KAT14: variants seen among roughly 807,000 people sequenced by gnomAD.
The protein encoded by KAT14 is lysine acetyltransferase 14.
In KAT14, 66 loss-of-function variants were observed where a neutral mutation model predicts 78.4. That is an observed-to-expected ratio of 0.84 (90% CI 0.69 to 1.03). The LOEUF is 1.03. Among genes scored for constraint, KAT14 ranks in the 50% least tolerant of loss-of-function variants. KAT14 has a pLI of 0.00. For synonymous variants in KAT14, 344 were observed against 359.4 expected (o/e 0.96, Z 0.48); for missense variants, 870 against 972.5 (o/e 0.89, Z 1.40).
chr20:18,166,606 A>C lies in KAT14; in HGVS notation c.1668+3661A>C, dbSNP rs116127896. Among the ~76,000 whole-genome samples the C allele has an allele frequency of 9.8e-3, 1,491 of 152,338 alleles. 21 individuals carry two copies. The highest frequency in any genetic ancestry group is 0.034 in the African/African-American group (1,417 of 41,574). ...GAAGAGGAAACTTTTTACTTTCTAC[A>C]CTATGTCTGCCCCTTGGGTCACACT... On this transcript the variant is annotated intron_variant, in intron 7 of 10. Transcript: ENST00000688188.
At chr20:18,143,569 C>T (rs906945882) in intron 2 of KAT14, among the ~76,000 whole-genome samples, 2 of 150,718 alleles carry the variant, frequency 1.3e-5, no homozygotes, top group African/African-American at 4.9e-5. Flanking sequence ...CCTGCCTCAG[C>T]CTCCCAAGTA....
rs772007375 is a variant in KAT14, at chr20:18,162,895, G to C, written c.1618G>C (p.Ala540Pro). 1.4e-5 allele frequency: 23 copies of C among 1,614,104 alleles called. No individual in the cohort carries two copies. Among genetic ancestry groups the C allele is most frequent in the Non-Finnish European group, 1.9e-5 (23 of 1,180,048 alleles). Reference sequence around the variant, plus strand: ...AATTTCCAGACTTCCAGCTGGACAAGCCACGTACAGAACCACCTGTCAGGA... The same window carrying C: ...AATTTCCAGACTTCCAGCTGGACAACCCACGTACAGAACCACCTGTCAGGA... ...GGISRLPAGQ[A>P]TYRTTCQDFR... Residue 540 changes from alanine (A) to proline (P), a missense_variant, in exon 7 of 11, where the codon GCC (alanine) becomes CCC (proline). By Grantham distance (27) the Ala-to-Pro change is conservative. Coordinates refer to ENST00000688188, the MANE Select transcript of KAT14 (RefSeq NM_001392073.1).
chr20:18,170,252 G>A (rs1391664101), intron 7 of KAT14, among the ~76,000 whole-genome samples: 2 of 152,182 alleles, frequency 1.3e-5, no homozygotes, highest in African/African-American at 4.8e-5. Flanking sequence ...TGAAGAAGAT[G>A]CCACCTAGGA....
chr20:18,150,360 A>C (rs2037986712), intron 3 of KAT14, among the ~76,000 whole-genome samples: 2 of 152,190 alleles, frequency 1.3e-5, no homozygotes, highest in South Asian at 4.1e-4. Flanking sequence ...AATATATACA[A>C]GGGTAATTTT....
chr20:18,158,935 G>A (rs1179923425), intron 4 of KAT14, 149 bp from the exon 5 acceptor site: 2 of 957,922 alleles, frequency 2.1e-6, no homozygotes, highest in Admixed American at 7.4e-5. Flanking sequence ...GCGAACTCCA[G>A]AGCCTCTCTC....
At chr20:18,154,197 A>T (rs2038143584) in intron 4 of KAT14, among the ~76,000 whole-genome samples, 1 of 152,202 alleles carries the variant, frequency 6.6e-6, no homozygotes, top group African/African-American at 2.4e-5. Flanking sequence ...TGTTAACAAG[A>T]TTACCGTACC....
intron 9 of KAT14, 115 bp downstream of exon 9, chr20:18,183,413 T>C: frequency 2.2e-6 from 3 of 1,386,872 alleles, no homozygotes; most frequent in Non-Finnish European, 2.8e-6. Flanking sequence ...TTCGTTTAGT[T>C]TGTCTCTGCT....
chr20:18,141,034 TTTTTTTTTTTTTATTTTTA>T (rs2037537587), intron 1 of KAT14, among the ~76,000 whole-genome samples: 1 of 19,126 alleles, frequency 5.2e-5, no homozygotes, highest in African/African-American at 1.3e-4. Context: ...TTTTTTTTTT[TTTTTTTTTTTTTATTTTTA>T]TTTTTGCTAG....
Position 18,142,305 on chromosome 20 carries a change from T to C in KAT14, c.-356T>C, listed in dbSNP as rs1002302528. 7.8e-6 allele frequency: 12 copies of C among 1,536,922 alleles called. No individual in the cohort carries two copies. Among genetic ancestry groups the C allele is most frequent in the Non-Finnish European group, 8.7e-6 (10 of 1,146,868 alleles). On this transcript the variant is annotated 5_prime_UTR_variant, in exon 2 of 11. Transcript: ENST00000688188. ...GAACAGATTATTTTGACTGAGCAAC[T>C]TGAAGCAGAAAGAGAGAAGATGTTA...
chr20:18,170,513 T>G (rs548658898), intron 7 of KAT14, among the ~76,000 whole-genome samples: 13 of 152,314 alleles, frequency 8.5e-5, no homozygotes, highest in Admixed American at 2.0e-4. Flanking sequence ...AGCCCACTAT[T>G]GAAAGCTACT....
intron 1 of KAT14, chr20:18,138,380 A>C: frequency 9.5e-7 from 1 of 1,054,358 alleles, no homozygotes; most frequent in Non-Finnish European, 1.1e-6. Context: ...TCTGTTTTCA[A>C]GTCACAGCCG....
chr20:18,138,233 T>A, intron 1 of KAT14, 182 bp downstream of exon 1: 3 of 1,248,468 alleles, frequency 2.4e-6, no homozygotes, highest in Non-Finnish European at 3.0e-6. Context: ...CTCCGGGCGC[T>A]GCAGCTCCCG....
chr20:18,151,386 G>A (rs1347541851), intron 4 of KAT14, among the ~76,000 whole-genome samples: 1 of 151,690 alleles, frequency 6.6e-6, no homozygotes, highest in Non-Finnish European at 1.5e-5. Context: ...TAGTAGAGAC[G>A]GGGTTTCACC....
intron 1 of KAT14, chr20:18,138,318 G>A: frequency 8.6e-7 from 1 of 1,163,638 alleles, no homozygotes; most frequent in Non-Finnish European, 1.1e-6. Context: ...CGCGCTGAAG[G>A]GGCCTTGCTC....
intron 7 of KAT14, among the ~76,000 whole-genome samples, chr20:18,168,270 G>A (rs2038726104): frequency 6.6e-6 from 1 of 152,182 alleles, no homozygotes; most frequent in African/African-American, 2.4e-5. Flanking sequence ...GCTCATGCCT[G>A]TAATCCCAGC....
At position 18,142,675 on chromosome 20, in the gene KAT14, C is replaced by A. The variant is rs777305160; in HGVS notation, c.15C>A (p.Ile5=). Residue 5 remains isoleucine, a synonymous_variant, in exon 2 of 11, where the codon ATC becomes ATA. Transcript: ENST00000688188. MDSS[I]HLSSLISRHD... is the part of the protein sequence containing the mutation. Reference sequence around the variant, plus strand: ...AGAAGGAAGGGATGGATAGTAGCATCCACCTGAGTAGTCTGATCAGTCGGC... The same window carrying A: ...AGAAGGAAGGGATGGATAGTAGCATACACCTGAGTAGTCTGATCAGTCGGC... The A allele has an allele frequency of 6.2e-7, 1 of 1,614,122 alleles. No individual in the cohort carries two copies. The highest frequency in any genetic ancestry group is 1.3e-5 in the African/African-American group (1 of 75,014).
chr20:18,182,043 C>G (rs1324082521), intron 8 of KAT14, among the ~76,000 whole-genome samples, 197 bp downstream of exon 8: 1 of 152,110 alleles, frequency 6.6e-6, no homozygotes, highest in Non-Finnish European at 1.5e-5. Flanking sequence ...GAACATGGTC[C>G]TTTGAAAGAA....
intron 2 of KAT14, 24 bp downstream of exon 2, chr20:18,142,943 G>A (rs2037644010): frequency 6.2e-7 from 1 of 1,607,800 alleles, no homozygotes; most frequent in Admixed American, 1.7e-5. Context: ...CAATTCCTTT[G>A]ATTTGTCAAT....
chr20:18,138,076 C>T, intron 1 of KAT14, 25 bp downstream of exon 1: 2 of 1,446,802 alleles, frequency 1.4e-6, no homozygotes, highest in Admixed American at 2.7e-5. Context: ...ACCGTCTCTT[C>T]CGGGCCCGCG....
Sources: allele counts gnomAD v4.1 joint callset (sites outside exome capture counted in the v4.1 genomes callset), GRCh38; gene constraint gnomAD v4.1.1; transcripts MANE v1.5; gene names NCBI Gene and HGNC (gene_info 2026-07-23, HGNC 2026-07-21).